Variants in RBFOX1 observed in about 807,000 individuals in gnomAD.
RBFOX1 encodes the protein RNA binding protein fox-1 homolog 1.
RBFOX1 carries 8 observed loss-of-function variants against 57.7 expected under a neutral mutation model. The ratio of observed to expected loss-of-function variants is 0.14; its 90% CI spans 0.08 to 0.25. The LOEUF (loss-of-function observed/expected upper bound fraction) is 0.25. Ranked by LOEUF, RBFOX1 falls within the 10% of genes least tolerant of loss-of-function variation. RBFOX1 has a pLI of 1.00. For synonymous variants in RBFOX1, 326 were observed against 222.4 expected (o/e 1.47, Z -4.15); for missense variants, 611 against 548.5 (o/e 1.11, Z -1.14).
chr16:5,449,386 T>A (rs2068351994), intron 1 of RBFOX1, among the ~76,000 whole-genome samples: 1 of 152,212 alleles, frequency 6.6e-6, no homozygotes, highest in African/African-American at 2.4e-5. Flanking sequence ...TGTGCTTCTT[T>A]CCTTCACAGT....
At chr16:7,669,821 C>A (rs1229341271) in intron 13 of RBFOX1, among the ~76,000 whole-genome samples, 2 of 152,124 alleles carry the variant, frequency 1.3e-5, no homozygotes, top group Non-Finnish European at 1.5e-5. Flanking sequence ...CTTCCTGAGA[C>A]CTTGCTTTCA....
At chr16:7,333,823 G>A (rs748648838) in intron 4 of RBFOX1, among the ~76,000 whole-genome samples, 5 of 151,832 alleles carry the variant, frequency 3.3e-5, no homozygotes, top group Admixed American at 6.6e-5. Context: ...TGCCTTCCGC[G>A]TTTATGTCTG....
At chr16:6,353,182 A>G (rs1384256227) in intron 2 of RBFOX1, among the ~76,000 whole-genome samples, 1 of 152,032 alleles carries the variant, frequency 6.6e-6, no homozygotes, top group Non-Finnish European at 1.5e-5. Context: ...ATCTTTCCCA[A>G]AGATCATCTC....
chr16:6,789,851 A>C (rs1316845982), intron 3 of RBFOX1, among the ~76,000 whole-genome samples: 1 of 151,894 alleles, frequency 6.6e-6, no homozygotes, highest in Non-Finnish European at 1.5e-5. Flanking sequence ...TTCTTCATTA[A>C]GTGGTTAGCT....
intron 4 of RBFOX1, among the ~76,000 whole-genome samples, chr16:7,440,083 C>G (rs1032879176): frequency 4.6e-5 from 7 of 151,404 alleles, no homozygotes; most frequent in African/African-American, 1.7e-4. Context: ...CCTCAAGTTG[C>G]TGGGGTTTTG....
intron 1 of RBFOX1, among the ~76,000 whole-genome samples, chr16:5,394,721 G>C (rs907818181): frequency 1.3e-5 from 2 of 151,864 alleles, no homozygotes; most frequent in Admixed American, 6.6e-5. Flanking sequence ...GCTAATTTTT[G>C]TATTTTTTGT....
intron 5 of RBFOX1, among the ~76,000 whole-genome samples, chr16:7,545,058 G>A (rs1171551632): frequency 6.6e-6 from 1 of 152,210 alleles, no homozygotes; most frequent in Non-Finnish European, 1.5e-5. Flanking sequence ...TGTCTACTAA[G>A]AGCAAGCATG....
intron 5 of RBFOX1, among the ~76,000 whole-genome samples, chr16:7,578,497 T>A (rs2152827337): frequency 6.6e-6 from 1 of 152,334 alleles, no homozygotes; most frequent in East Asian, 1.9e-4. Context: ...ATACCAGGGC[T>A]GATGAGAAAC....
rs539821318 is a variant in RBFOX1 at position 5,817,703 on chromosome 16, T to A, written c.319-49600T>A. Among the ~76,000 whole-genome samples the A allele has an allele frequency of 1.6e-4, 24 of 150,400 alleles. No homozygotes were observed. The East Asian group carries it at 4.7e-3, about 29-fold the overall frequency. ...GTGATGGGTCTTGTGGGCTGTATTTTTTTTTTTTTTTGAGACGGAGTCTTG... is the reference window on the plus strand; with the variant it reads ...GTGATGGGTCTTGTGGGCTGTATTTATTTTTTTTTTTGAGACGGAGTCTTG... On this transcript the variant is annotated intron_variant, in intron 3 of 19. Transcript: ENST00000641259.
chr16:5,938,823 G>A (rs903326722), intron 4 of RBFOX1, among the ~76,000 whole-genome samples: 1 of 152,138 alleles, frequency 6.6e-6, no homozygotes, highest in Admixed American at 6.6e-5. Context: ...CCACTCAGCT[G>A]AGCCTAGCCC....
chr16:7,699,966 G>A (rs968965861), intron 14 of RBFOX1, among the ~76,000 whole-genome samples: 4 of 152,106 alleles, frequency 2.6e-5, no homozygotes, highest in Non-Finnish European at 5.9e-5. Flanking sequence ...TCAGTGTCTT[G>A]GTATTGGATT....
chr16:5,833,799 C>T (rs1405619632), intron 3 of RBFOX1, among the ~76,000 whole-genome samples: 1 of 152,140 alleles, frequency 6.6e-6, no homozygotes, highest in Non-Finnish European at 1.5e-5. Context: ...CTTTCTTTAG[C>T]CCAGGCCCTG....
chr16:6,644,554 A>G (rs980389500), intron 2 of RBFOX1, among the ~76,000 whole-genome samples: 2 of 152,260 alleles, frequency 1.3e-5, no homozygotes, highest in African/African-American at 2.4e-5. Context: ...TGTATTTCCT[A>G]TGAAAAGCTC....
At chr16:6,839,721 C>G (rs774117202) in intron 3 of RBFOX1, among the ~76,000 whole-genome samples, 1 of 152,186 alleles carries the variant, frequency 6.6e-6, no homozygotes. Flanking sequence ...CACGATTCTT[C>G]TTGTAATATG....
chr16:7,674,152 T>C (rs570157591), intron 13 of RBFOX1, among the ~76,000 whole-genome samples: 7 of 152,284 alleles, frequency 4.6e-5, no homozygotes, highest in East Asian at 3.9e-4. Context: ...CTAGTATGAA[T>C]TGCATACAGA....
chr16:7,001,928 C>G lies in RBFOX1; in HGVS notation c.-15-50129C>G, dbSNP rs57116663. On this transcript the variant is annotated intron_variant, in intron 3 of 15. Transcript: ENST00000550418. ...GGGTCCCCAAAATAGAAGATCAGTT[C>G]TACTTTTTTTCTCCTGGAGTTTCTT... Among the ~76,000 whole-genome samples the G allele has an allele frequency of 3.6e-3, 544 of 152,160 alleles. 5 individuals carry two copies. Among genetic ancestry groups the G allele is most frequent in the African/African-American group, 0.012 (515 of 41,516 alleles).
intron 4 of RBFOX1, among the ~76,000 whole-genome samples, chr16:5,869,646 G>C (rs1398601744): frequency 6.6e-6 from 1 of 152,084 alleles, no homozygotes; most frequent in Non-Finnish European, 1.5e-5. Context: ...CTCGTGATCT[G>C]CCCTCCTCGG....
In RBFOX1 at chr16:6,065,068, C is replaced by T. The variant is rs370239678; in HGVS notation, c.-127+45076C>T. Among the ~76,000 whole-genome samples the T allele has an allele frequency of 5.3e-5, 8 of 151,316 alleles. No individual in the cohort carries two copies. In the South Asian group the frequency reaches 1.7e-3, roughly 32 times the overall value. ...CTTGAGACAGGGTCTTGTTCTGTCACCCAGGCTAGAGTATAATGGTGTGAT... is the reference window on the plus strand; with the variant it reads ...CTTGAGACAGGGTCTTGTTCTGTCATCCAGGCTAGAGTATAATGGTGTGAT... On this transcript the variant is annotated intron_variant, in intron 1 of 15. Transcript: ENST00000550418.
chr16:7,246,560 C>T (rs535193920), intron 4 of RBFOX1, among the ~76,000 whole-genome samples: 27 of 151,550 alleles, frequency 1.8e-4, no homozygotes, highest in African/African-American at 5.1e-4. Flanking sequence ...TTTCCACAAA[C>T]GCCAAGCTTA....
Sources: gnomAD v4.1 joint callset for allele counts (sites outside exome capture counted in the v4.1 genomes callset) on GRCh38, gnomAD v4.1.1 for gene constraint, MANE v1.5 for transcripts, NCBI Gene and HGNC (gene_info 2026-07-23, HGNC 2026-07-21) for gene names.